EFL1: variants seen among roughly 807,000 people sequenced by gnomAD.
EFL1 encodes elongation factor-like GTPase 1.
A neutral mutation model predicts 126.7 loss-of-function variants in EFL1; 76 were observed. The ratio of observed to expected loss-of-function variants is 0.60; its 90% CI spans 0.50 to 0.73. EFL1 has a LOEUF of 0.73. EFL1 is among the 30% of genes least tolerant of loss of function. The pLI, the probability that EFL1 is intolerant of heterozygous loss-of-function variation, is 0.00. For synonymous variants in EFL1, 410 were observed against 448.4 expected, an observed-to-expected ratio of 0.91 and a Z score of 1.08; for missense variants, 1,128 against 1,343.2, an observed-to-expected ratio of 0.84 and a Z score of 2.50.
intron 15 of EFL1, among the ~76,000 whole-genome samples, chr15:82,179,975 T>C (rs2141258537): frequency 6.6e-6 from 1 of 152,212 alleles, no homozygotes; most frequent in South Asian, 2.1e-4. Context: ...CAGGTAAAAC[T>C]GGTTTAAAAC....
intron 11 of EFL1, among the ~76,000 whole-genome samples, chr15:82,225,482 A>G (rs1450134848): frequency 6.6e-6 from 1 of 152,250 alleles, no homozygotes; most frequent in Non-Finnish European, 1.5e-5. Flanking sequence ...GTTGGCAGAA[A>G]TAAGAAAAGA....
intron 15 of EFL1, among the ~76,000 whole-genome samples, chr15:82,179,369 T>A (rs551055748): frequency 5.4e-4 from 82 of 152,208 alleles, no homozygotes; most frequent in Non-Finnish European, 1.1e-3. Flanking sequence ...GCAAGCAAGT[T>A]TTATAGTTTG....
intron 12 of EFL1, 99 bp from the exon 13 acceptor site, chr15:82,220,328 T>C (rs1038308674): frequency 1.4e-6 from 2 of 1,438,228 alleles, no homozygotes; most frequent in African/African-American, 2.9e-5. Context: ...TGGTCCCAGC[T>C]CCATTCCAGG....
At chr15:82,259,472 T>C (rs1315775479) in intron 2 of EFL1, among the ~76,000 whole-genome samples, 1 of 152,194 alleles carries the variant, frequency 6.6e-6, no homozygotes, top group South Asian at 2.1e-4. Flanking sequence ...CAGCTGGAAT[T>C]TGCTAAACTG....
In EFL1 at chr15:82,169,346, A is replaced by G. The variant is rs949588132; in HGVS notation, c.1751-5362T>C. Among the ~76,000 whole-genome samples the G allele has an allele frequency of 1.3e-4, 20 of 152,024 alleles. 1 individual carries two copies. Among genetic ancestry groups the G allele is most frequent in the East Asian group, 1.9e-4 (1 of 5,136 alleles). Reference sequence around the variant, plus strand: ...CTCCATTTGGGTCAGTCTGTTCCTAATAGAATGGTGGTGGTCTGGCTTTCT... The same window carrying G: ...CTCCATTTGGGTCAGTCTGTTCCTAGTAGAATGGTGGTGGTCTGGCTTTCT... On this transcript the variant is annotated intron_variant, in intron 15 of 19. Coordinates refer to ENST00000268206, the MANE Select transcript of EFL1 (RefSeq NM_024580.6).
intron 5 of EFL1, among the ~76,000 whole-genome samples, chr15:82,240,941 T>C (rs1567076385): frequency 6.6e-6 from 1 of 152,172 alleles, no homozygotes; most frequent in Non-Finnish European, 1.5e-5. Context: ...TCCCAGTTAC[T>C]CTGGAGGTTG....
intron 15 of EFL1, among the ~76,000 whole-genome samples, chr15:82,214,491 C>T (rs1423595465): frequency 5.3e-5 from 8 of 152,152 alleles, no homozygotes; most frequent in Admixed American, 5.2e-4. Flanking sequence ...AGAGCATTTA[C>T]TAATTACTTA....
At chr15:82,160,547 T>G (rs1416000568) in intron 16 of EFL1, among the ~76,000 whole-genome samples, 1 of 152,246 alleles carries the variant, frequency 6.6e-6, no homozygotes, top group African/African-American at 2.4e-5. Flanking sequence ...ATTAGGTATT[T>G]GATTTTCATC....
intron 15 of EFL1, among the ~76,000 whole-genome samples, chr15:82,183,806 C>T (rs1354387957): frequency 6.6e-6 from 1 of 152,180 alleles, no homozygotes; most frequent in Non-Finnish European, 1.5e-5. Context: ...TAAAATAAAA[C>T]CAAGCACAGG....
intron 15 of EFL1, among the ~76,000 whole-genome samples, chr15:82,202,412 G>A (rs967591712): frequency 2.0e-5 from 3 of 151,978 alleles, no homozygotes; most frequent in Non-Finnish European, 2.9e-5. Context: ...CTTTCTTTAT[G>A]TGTGACTTTG....
intron 15 of EFL1, among the ~76,000 whole-genome samples, chr15:82,198,571 A>C (rs1305947685): frequency 6.6e-6 from 1 of 152,170 alleles, no homozygotes; most frequent in Admixed American, 6.5e-5. Flanking sequence ...CCACAGATAG[A>C]GAAGAGGGCA....
At chr15:82,257,009 T>A (rs1257716018) in intron 3 of EFL1, among the ~76,000 whole-genome samples, 1 of 152,224 alleles carries the variant, frequency 6.6e-6, no homozygotes, top group African/African-American at 2.4e-5. Flanking sequence ...GTTGGGTTTT[T>A]CTCTGCTATA....
chr15:82,185,595 A>G (rs1323267555), intron 15 of EFL1, among the ~76,000 whole-genome samples: 1 of 152,174 alleles, frequency 6.6e-6, no homozygotes, highest in African/African-American at 2.4e-5. Context: ...ATAGCTTCCT[A>G]TAAAAAGCTT....
intron 15 of EFL1, among the ~76,000 whole-genome samples, chr15:82,202,182 C>A (rs1471543803): frequency 6.6e-6 from 1 of 152,148 alleles, no homozygotes; most frequent in African/African-American, 2.4e-5. Context: ...GACAGTGAAT[C>A]TGATTTCTTT....
intron 15 of EFL1, among the ~76,000 whole-genome samples, chr15:82,165,088 C>G (rs2074065165): frequency 6.6e-6 from 1 of 152,004 alleles, no homozygotes; most frequent in South Asian, 2.1e-4. Context: ...GCCTGGGTAA[C>G]AGAGTGAGAC....
intron 3 of EFL1, among the ~76,000 whole-genome samples, chr15:82,254,733 G>C (rs2075052327): frequency 6.6e-6 from 1 of 152,110 alleles, no homozygotes; most frequent in South Asian, 2.1e-4. Flanking sequence ...TTTTATTACT[G>C]TAGGACTCCA....
chr15:82,220,162 C>G lies in EFL1; in HGVS notation c.1360G>C (p.Ala454Pro). 1 of 1,613,828 alleles carries G rather than the reference C, an allele frequency of 6.2e-7. No homozygotes were observed. The highest frequency in any genetic ancestry group is 8.5e-7 in the Non-Finnish European group (1 of 1,179,850). ...RARQRHAEKLAAAQGQAPLEP... is the reference protein window; with the variant it reads ...RARQRHAEKLPAAQGQAPLEP... The stretch of plus-strand genomic sequence containing the variant: ...AAGGGTGCCTGTCCCTGTGCTGCTG[C>G]AAGCTTCTCTGCATGCCTTTGTCTT... The change falls in exon 13 of 20, where the codon GCA (alanine) becomes CCA (proline). Residue 454 changes from alanine (A) to proline (P), a missense_variant. Coordinates refer to ENST00000268206, the MANE Select transcript of EFL1 (RefSeq NM_024580.6).
intron 18 of EFL1, among the ~76,000 whole-genome samples, chr15:82,151,249 A>G (rs540907415): frequency 4.6e-5 from 7 of 152,240 alleles, no homozygotes; most frequent in African/African-American, 9.6e-5. Flanking sequence ...TTAGCTGCAC[A>G]TGGTGGTGTG....
At position 82,256,784 on chromosome 15, in the gene EFL1, T is replaced by C. The variant is rs560222364; in HGVS notation, c.159+2304A>G. Among the ~76,000 whole-genome samples the C allele has an allele frequency of 6.6e-5, 10 of 152,322 alleles. No individual in the cohort carries two copies. The East Asian group carries it at 1.9e-3, about 29-fold the overall frequency. ...AATCCATTAATATAGTGAAATTACA[T>C]GTTAAACCAATCTTGAATTCCTTGG... On this transcript the variant is annotated intron_variant, in intron 3 of 19. Transcript: ENST00000268206.
Sources: gnomAD v4.1 joint callset for allele counts (sites outside exome capture counted in the v4.1 genomes callset) on GRCh38, gnomAD v4.1.1 for gene constraint, MANE v1.5 for transcripts, NCBI Gene and HGNC (gene_info 2026-07-23, HGNC 2026-07-21) for gene names.